The following TNPO3 variants were observed in gnomAD, a reference collection of about 807,000 sequenced individuals.
TNPO3 encodes transportin-3.
In TNPO3, 65 loss-of-function variants were observed where a neutral mutation model predicts 122.8. The ratio of observed to expected loss-of-function variants is 0.53; its 90% confidence interval spans 0.43 to 0.65. The LOEUF (loss-of-function observed/expected upper bound fraction) is 0.65, where lower values mean the gene tolerates loss of function less well. Among genes scored for constraint, TNPO3 ranks in the 30% least tolerant of loss-of-function variants. The pLI is 0.00. For synonymous variants in TNPO3, 372 were observed against 411.2 expected (o/e 0.90, Z 1.15); for missense variants, 850 against 1,136.7 (o/e 0.75, Z 3.63).
At chr7:129,000,774 A>G (rs1801860034) in intron 6 of TNPO3, among the ~76,000 whole-genome samples, 1 of 152,234 alleles carries the variant, frequency 6.6e-6, no homozygotes, top group Admixed American at 6.5e-5. Context: ...TCAAATTCTC[A>G]ATTATTAAAA....
intron 14 of TNPO3, 138 bp downstream of exon 14, chr7:128,982,110 G>A: frequency 6.4e-6 from 4 of 622,126 alleles, no homozygotes; most frequent in Non-Finnish European, 1.1e-5. Flanking sequence ...AGAACTTCAG[G>A]TAACAGCTGG....
chr7:128,960,771 T>C (rs1797369081), intron 21 of TNPO3, among the ~76,000 whole-genome samples: 1 of 151,698 alleles, frequency 6.6e-6, no homozygotes. Context: ...ATTATTATTA[T>C]TATTTTGAGA....
chr7:128,983,731 C>A (rs938113891), intron 13 of TNPO3, among the ~76,000 whole-genome samples: 9 of 151,702 alleles, frequency 5.9e-5, no homozygotes, highest in Non-Finnish European at 1.0e-4. Flanking sequence ...TAAGCCCCCA[C>A]TTCAAGACAG....
intron 4 of TNPO3, among the ~76,000 whole-genome samples, chr7:129,006,246 T>C (rs75437801): frequency 0.044 from 6,765 of 152,332 alleles, 208 homozygotes; most frequent in Middle Eastern, 0.1. Flanking sequence ...ACTAATTTCT[T>C]AGTTCCCACT....
At chr7:128,978,847 G>A in intron 16 of TNPO3, 136 bp downstream of exon 16, 1 of 965,228 alleles carries the variant, frequency 1.0e-6, no homozygotes, top group East Asian at 2.7e-5. Flanking sequence ...GGCCAGGCTG[G>A]TCTTGAACTC....
Position 129,018,125 on chromosome 7 carries a change from T to C in TNPO3, c.153A>G (p.Leu51=), listed in dbSNP as rs751602640. 1.9e-6 allele frequency: 3 copies of C among 1,614,168 alleles called. No homozygotes were observed. Among genetic ancestry groups the C allele is most frequent in the Non-Finnish European group, 2.5e-6 (3 of 1,180,022 alleles). The change falls in exon 2 of 23, where the codon TTA becomes TTG. Residue 51 remains leucine (L), a synonymous_variant. Coordinates refer to ENST00000265388, the MANE Select transcript of TNPO3 (RefSeq NM_012470.4). ...ATGACTCCACATCCTGCCGGATCTGTAACAACTGGTCTGAGATCTCCCATG... is the reference window on the plus strand; with the variant it reads ...ATGACTCCACATCCTGCCGGATCTGCAACAACTGGTCTGAGATCTCCCATG... ...VHAWEISDQL[L]QIRQDVESCY...
rs773125853 is a variant in TNPO3 at position 128,967,396 on chromosome 7, T to C, written c.2599-4A>G. Reference sequence around the variant, plus strand: ...TTTCTAACCATCGACAAAAAGTCTGTATAGGAAAGAGGGGTAAGAGTTTTA... The same window carrying C: ...TTTCTAACCATCGACAAAAAGTCTGCATAGGAAAGAGGGGTAAGAGTTTTA... On this transcript the variant is annotated splice_polypyrimidine_tract_variant and splice_region_variant and intron_variant, in intron 20 of 22. Coordinates refer to ENST00000265388, the MANE Select transcript of TNPO3 (RefSeq NM_012470.4). The C allele has an allele frequency of 2.5e-6, 4 of 1,597,466 alleles. No homozygotes were observed. The highest frequency in any genetic ancestry group is 1.1e-5 in the South Asian group (1 of 90,726).
intron 13 of TNPO3, 58 bp from the exon 14 acceptor site, chr7:128,982,382 C>T (rs1799715639): frequency 2.3e-5 from 33 of 1,433,368 alleles, no homozygotes; most frequent in Non-Finnish European, 2.9e-5. Flanking sequence ...CTACAGCCAA[C>T]ACTGCAACAT....
At chr7:129,033,954 C>T (rs896019461) in intron 1 of TNPO3, among the ~76,000 whole-genome samples, 1 of 150,936 alleles carries the variant, frequency 6.6e-6, no homozygotes, top group African/African-American at 2.4e-5. Context: ...TATTTGCACA[C>T]CCGTGTTCAA....
At chr7:129,006,656 A>G (rs1426289201) in intron 4 of TNPO3, among the ~76,000 whole-genome samples, 1 of 152,240 alleles carries the variant, frequency 6.6e-6, no homozygotes, top group East Asian at 1.9e-4. Flanking sequence ...CCCATAATGT[A>G]TTATTAAATA....
chr7:129,020,826 A>C (rs1420534106), intron 1 of TNPO3, among the ~76,000 whole-genome samples: 1 of 152,222 alleles, frequency 6.6e-6, no homozygotes, highest in African/African-American at 2.4e-5. Flanking sequence ...ATTAGATAGC[A>C]ACAAAACTAG....
At position 128,984,181 on chromosome 7, in the gene TNPO3, A is replaced by G; in HGVS notation, c.1769T>C (p.Met590Thr). ...CLSELCSVQV[M>T]ALKKLLSQEP... ...AATTGGACTTACCTTTTTCAATGCC[A>G]TAACCTGAACAGAACATAGTTCACT... Residue 590 changes from methionine to threonine, a missense_variant, in exon 13 of 23, where the codon ATG becomes ACG. Transcript: ENST00000265388. 1 of 1,607,584 alleles carries G rather than the reference A, an allele frequency of 6.2e-7. No homozygotes were observed. The highest frequency in any genetic ancestry group is 8.5e-7 in the Non-Finnish European group (1 of 1,176,964).
At chr7:129,048,660 GA>G (rs905527540) in intron 1 of TNPO3, among the ~76,000 whole-genome samples, 7 of 148,112 alleles carry the variant, frequency 4.7e-5, no homozygotes, top group African/African-American at 9.9e-5. Flanking sequence ...AAAAAAGAAA[GA>G]AAAAAAAAGA....
At position 129,024,864 on chromosome 7, in the gene TNPO3, G is replaced by A. The variant is rs551998436; in HGVS notation, c.121-6707C>T. Among the ~76,000 whole-genome samples the A allele has an allele frequency of 4.6e-4, 70 of 152,136 alleles. No homozygotes were observed. In the South Asian group the frequency reaches 0.013, roughly 29 times the overall value. On this transcript the variant is annotated intron_variant, in intron 1 of 22. Transcript: ENST00000265388. ...AAAATTTTTGAAAAATCTGCCACGT[G>A]TGGTGGCATGCCCCTTAGTCCCAGC... is the stretch of plus-strand genomic sequence containing the variant.
At chr7:128,978,517 T>C (rs996512078) in intron 16 of TNPO3, among the ~76,000 whole-genome samples, 20 of 152,248 alleles carry the variant, frequency 1.3e-4, no homozygotes, top group African/African-American at 3.9e-4. Flanking sequence ...ATAGCTACTA[T>C]ACAGAAGCGA....
At chr7:129,038,526 C>CA (rs1806977422) in intron 1 of TNPO3, among the ~76,000 whole-genome samples, 1 of 152,196 alleles carries the variant, frequency 6.6e-6, no homozygotes, top group Non-Finnish European at 1.5e-5. Context: ...AAGACACATG[C>CA]ATGCAAATGT....
intron 5 of TNPO3, among the ~76,000 whole-genome samples, chr7:129,003,055 A>T (rs13239567): frequency 1.5e-5 from 2 of 134,610 alleles, no homozygotes; most frequent in Non-Finnish European, 3.3e-5. Context: ...AAAAAAAAAA[A>T]AAAAAAAAAT....
intron 7 of TNPO3, 107 bp downstream of exon 7, chr7:129,000,322 G>T: frequency 8.3e-7 from 1 of 1,205,104 alleles, no homozygotes; most frequent in Non-Finnish European, 1.1e-6. Flanking sequence ...TTAAAAACAA[G>T]ACTGTAATTT....
intron 19 of TNPO3, among the ~76,000 whole-genome samples, chr7:128,972,078 C>G (rs1362290463): frequency 6.6e-6 from 1 of 152,200 alleles, no homozygotes; most frequent in African/African-American, 2.4e-5. Flanking sequence ...AGATTCACAT[C>G]ACTGTACTCC....
Sources: gnomAD v4.1 joint callset for allele counts (sites outside exome capture counted in the v4.1 genomes callset) on GRCh38, gnomAD v4.1.1 for gene constraint, MANE v1.5 for transcripts, NCBI Gene and HGNC (gene_info 2026-07-23, HGNC 2026-07-21) for gene names.